FREM2: variants seen among roughly 807,000 people sequenced by gnomAD.
FREM2 encodes FRAS1 related extracellular matrix 2.
FREM2 carries 119 observed loss-of-function variants against 219.9 expected under a neutral mutation model. That is an observed-to-expected ratio of 0.54 (90% confidence interval 0.47 to 0.63). The LOEUF (loss-of-function observed/expected upper bound fraction) is 0.63. Among genes scored for constraint, FREM2 ranks in the 30% least tolerant of loss-of-function variants. The pLI is 0.00. For synonymous variants in FREM2, 1,562 were observed against 1,522.8 expected, an observed-to-expected ratio of 1.03 and a Z score of -0.60; for missense variants, 4,030 against 3,993.6, an observed-to-expected ratio of 1.01 and a Z score of -0.25.
chr13:38,729,647 A>G (rs1871684120), intron 2 of FREM2, among the ~76,000 whole-genome samples: 1 of 152,232 alleles, frequency 6.6e-6, no homozygotes, highest in Admixed American at 6.5e-5. Flanking sequence ...GTGATGCAGT[A>G]CAACAAATAC....
At chr13:38,838,062 C>T (rs1876791543) in intron 6 of FREM2, among the ~76,000 whole-genome samples, 1 of 152,106 alleles carries the variant, frequency 6.6e-6, no homozygotes, top group Non-Finnish European at 1.5e-5. Context: ...TGTCAATAGT[C>T]TTTACATTTT....
rs1878326222 is a variant in FREM2 at position 38,876,037 on chromosome 13, C to T, written c.8297C>T (p.Ser2766Leu). The part of the protein sequence containing the change: ...VLSHPASFTS[S>L]VIMSADHPGL... ...ACTTTCCTAGCATCCTTTACAAGCTCAGTGATCATGTCAGCTGATCATCCA... is the reference window on the plus strand; with the variant it reads ...ACTTTCCTAGCATCCTTTACAAGCTTAGTGATCATGTCAGCTGATCATCCA... Residue 2766 changes from serine (S) to leucine (L), a missense_variant, in exon 19 of 24, where the codon TCA becomes TTA. Physicochemically the swap from Ser to Leu is moderately radical, Grantham distance 145 (BLOSUM62 -2). Around this residue, in one of 2 missense-constraint regions of FREM2, gnomAD observed 928 missense variants for 1,042.9 expected, o/e 0.89. Coordinates refer to ENST00000280481, the MANE Select transcript of FREM2 (RefSeq NM_207361.6). The T allele has an allele frequency of 6.2e-7, 1 of 1,613,762 alleles. No homozygotes were observed. The highest frequency in any genetic ancestry group is 8.5e-7 in the Non-Finnish European group (1 of 1,179,770).
At chr13:38,754,588 A>G (rs1872905881) in intron 2 of FREM2, among the ~76,000 whole-genome samples, 1 of 152,146 alleles carries the variant, frequency 6.6e-6, no homozygotes, top group Non-Finnish European at 1.5e-5. Flanking sequence ...GAATGTGGAA[A>G]TACCTAAATT....
intron 6 of FREM2, among the ~76,000 whole-genome samples, chr13:38,795,197 T>C (rs1253111073): frequency 6.6e-6 from 1 of 152,000 alleles, no homozygotes; most frequent in Non-Finnish European, 1.5e-5. Flanking sequence ...TAGGTCAACA[T>C]TGGTCAAGAA....
chr13:38,704,932 C>A (rs1027270653), intron 2 of FREM2, among the ~76,000 whole-genome samples: 1 of 152,072 alleles, frequency 6.6e-6, no homozygotes, highest in Non-Finnish European at 1.5e-5. Flanking sequence ...ATCATGAGAA[C>A]CGCATGGGGG....
chr13:38,880,196 C>T, intron 23 of FREM2, 88 bp from the exon 24 acceptor site: 1 of 1,307,042 alleles, frequency 7.7e-7, no homozygotes, highest in Non-Finnish European at 1.1e-6. Context: ...TTATTAATAT[C>T]TCTGCCATTA....
chr13:38,756,858 A>G (rs1873030677), intron 2 of FREM2, among the ~76,000 whole-genome samples: 1 of 152,014 alleles, frequency 6.6e-6, no homozygotes, highest in South Asian at 2.1e-4. Flanking sequence ...GACCATTTTT[A>G]AAAATAGCAA....
intron 6 of FREM2, among the ~76,000 whole-genome samples, chr13:38,805,600 G>A (rs1390436047): frequency 1.3e-5 from 2 of 151,766 alleles, no homozygotes; most frequent in Non-Finnish European, 2.9e-5. Flanking sequence ...AAATAAGGAG[G>A]GTAGATGACA....
At chr13:38,813,541 CTCTCTCTCTCTCTCTCTCTCTCTA>C (rs1875613583) in intron 6 of FREM2, among the ~76,000 whole-genome samples, 4 of 26,554 alleles carry the variant, frequency 1.5e-4, no homozygotes, top group Non-Finnish European at 2.0e-4. Context: ...CTCTCTCTCT[CTCTCTCTCTCTCTCTCTCTCTCTA>C]TATATATATA....
At chr13:38,820,401 C>T (rs368687608) in intron 6 of FREM2, among the ~76,000 whole-genome samples, 1 of 152,094 alleles carries the variant, frequency 6.6e-6, no homozygotes, top group South Asian at 2.1e-4. Context: ...ATACATATTT[C>T]TGATTTATTA....
chr13:38,778,302 G>T (rs1873959129), intron 4 of FREM2, among the ~76,000 whole-genome samples: 1 of 152,190 alleles, frequency 6.6e-6, no homozygotes, highest in South Asian at 2.1e-4. Context: ...CAAGACTGGG[G>T]TGCCAGTAGA....
chr13:38,790,499 T>C (rs1874517834), intron 6 of FREM2, among the ~76,000 whole-genome samples: 1 of 152,188 alleles, frequency 6.6e-6, no homozygotes, highest in Non-Finnish European at 1.5e-5. Flanking sequence ...ATTGCTGTTA[T>C]AATTCACTAG....
intron 9 of FREM2, 97 bp downstream of exon 9, chr13:38,850,332 A>C: frequency 1.0e-6 from 1 of 954,156 alleles, no homozygotes; most frequent in Non-Finnish European, 1.7e-6. Context: ...CGATATCAAC[A>C]AGCATATGGC....
chr13:38,810,839 T>C lies in FREM2; in HGVS notation c.6019+26031T>C, dbSNP rs545484507. Reference sequence around the variant, plus strand: ...GATAATGATAGAATGAGTTTGAAAGTATTCCCTCTTCCCCTATTTTTCAGA... The same window carrying C: ...GATAATGATAGAATGAGTTTGAAAGCATTCCCTCTTCCCCTATTTTTCAGA... On this transcript the variant is annotated intron_variant, in intron 6 of 23. Transcript: ENST00000280481. Among the ~76,000 whole-genome samples the C allele has an allele frequency of 4.9e-4, 75 of 152,136 alleles. 1 individual carries two copies. Among genetic ancestry groups the C allele is most frequent in the African/African-American group, 1.6e-3 (68 of 41,558 alleles).
chr13:38,814,489 T>G (rs537183119), intron 6 of FREM2, among the ~76,000 whole-genome samples: 2 of 152,158 alleles, frequency 1.3e-5, no homozygotes, highest in Non-Finnish European at 2.9e-5. Context: ...TCTTCTCCCT[T>G]TCTTTCTGCC....
At chr13:38,840,422 C>CTT (rs66970622) in intron 6 of FREM2, among the ~76,000 whole-genome samples, 5 of 132,122 alleles carry the variant, frequency 3.8e-5, no homozygotes, top group Non-Finnish European at 4.8e-5. Context: ...GGGATTTCTC[C>CTT]TTTTTTTTTT....
intron 6 of FREM2, among the ~76,000 whole-genome samples, chr13:38,803,030 A>G (rs115838589): frequency 1.9e-3 from 282 of 152,072 alleles, no homozygotes; most frequent in African/African-American, 6.6e-3. Context: ...ATGGTCCCTT[A>G]GATTGTCTAT....
chr13:38,832,528 TTTC>T (rs1277000822), intron 6 of FREM2, among the ~76,000 whole-genome samples: 1 of 152,148 alleles, frequency 6.6e-6, no homozygotes, highest in Non-Finnish European at 1.5e-5. Context: ...ACATACATTC[TTTC>T]TTATTTTCTA....
At chr13:38,724,883 A>G (rs1466627631) in intron 2 of FREM2, among the ~76,000 whole-genome samples, 1 of 152,212 alleles carries the variant, frequency 6.6e-6, no homozygotes, top group African/African-American at 2.4e-5. Context: ...TGTAGTAGTT[A>G]AGATCATACG....
Sources: allele counts gnomAD v4.1 joint callset (sites outside exome capture counted in the v4.1 genomes callset), GRCh38; gene constraint gnomAD v4.1.1; regional missense constraint gnomAD v4.1.1; transcripts MANE v1.5; gene names NCBI Gene and HGNC (gene_info 2026-07-23, HGNC 2026-07-21).